The following MSH6 variants were observed in gnomAD, a reference collection of about 807,000 sequenced individuals.
The protein encoded by MSH6 is mutS homolog 6, also known as DNA mismatch repair protein Msh6.
A neutral mutation model predicts 119.1 loss-of-function variants in MSH6; 85 were observed. That is an observed-to-expected ratio of 0.71 (90% confidence interval 0.60 to 0.85). The LOEUF is 0.85. Among genes scored for constraint, MSH6 ranks in the 40% least tolerant of loss-of-function variants. The pLI is 0.00. For synonymous variants in MSH6, 830 were observed against 586.9 expected (o/e 1.41, Z -5.99); for missense variants, 2,163 against 1,655.3 (o/e 1.31, Z -5.32).
chr2:47,805,897 A>G (rs1485555925), intron 7 of MSH6, among the ~76,000 whole-genome samples, 190 bp downstream of exon 7: 1 of 152,198 alleles, frequency 6.6e-6, no homozygotes, highest in Non-Finnish European at 1.5e-5. Context: ...TTGATTACCC[A>G]TTAATTATTA....
downstream of MSH6, chr2:47,807,310 T>A (rs1339553346): frequency 4.6e-6 from 1 of 215,470 alleles, no homozygotes; most frequent in African/African-American, 2.3e-5. Context: ...TTTTTACCTT[T>A]CACAAAACTG....
chr2:47,787,113 AC>A (rs1668394452), intron 1 of MSH6, among the ~76,000 whole-genome samples: 1 of 152,130 alleles, frequency 6.6e-6, no homozygotes, highest in South Asian at 2.1e-4. Context: ...ACATGGCTAG[AC>A]CCTGTCTCTC....
At chr2:47,790,782 G>C (rs1262344727) in intron 1 of MSH6, 145 bp from the exon 2 acceptor site, 5 of 737,502 alleles carry the variant, frequency 6.8e-6, no homozygotes, top group Middle Eastern at 5.8e-4. Context: ...TAAATGACTT[G>C]AATATCTGAC....
intron 5 of MSH6, among the ~76,000 whole-genome samples, chr2:47,804,638 C>G (rs970265048): frequency 2.6e-5 from 4 of 151,820 alleles, no homozygotes; most frequent in African/African-American, 7.3e-5. Context: ...CTAGGTGATT[C>G]TATTCTGGCC....
At position 47,800,247 on chromosome 2, in the gene MSH6, A is replaced by C. The variant is rs1669441030; in HGVS notation, c.2264A>C (p.Glu755Ala). 6.2e-7 allele frequency: 1 copy of C among 1,614,178 alleles called. No homozygotes were observed. Among genetic ancestry groups the C allele is most frequent in the East Asian group, 2.2e-5 (1 of 44,882 alleles). ...CTGAATGGAACAAATGGTTCTACTG[A>C]AGGAACCCTACTAGAGAGGGTTGAT... Reference protein sequence around the residue: ...IFLNGTNGSTEGTLLERVDTC... With the variant: ...IFLNGTNGSTAGTLLERVDTC... The change falls in exon 4 of 10, where the codon GAA becomes GCA. Residue 755 changes from glutamate to alanine, a missense_variant. Transcript: ENST00000234420.
In MSH6 at chr2:47,798,620, A is replaced by C. The variant is rs876659071; in HGVS notation, c.637A>C (p.Thr213Pro). The change falls in exon 4 of 10, where the codon ACT becomes CCT. Residue 213 changes from threonine (T) to proline (P), a missense_variant. By Grantham distance (38) the Thr-to-Pro change is conservative (BLOSUM62 -1). Transcript: ENST00000234420. Reference sequence around the variant, plus strand: ...TTTCCTTGCCTGGCAGGTAGGCACAACTTACGTAACAGATAAGAGTGAAGA... The same window carrying C: ...TTTCCTTGCCTGGCAGGTAGGCACACCTTACGTAACAGATAAGAGTGAAGA... ...EEEEEMEVGT[T>P]YVTDKSEEDN... The C allele has an allele frequency of 1.9e-6, 3 of 1,610,338 alleles. No individual in the cohort carries two copies. In the African/African-American group the frequency reaches 4.0e-5, roughly 21 times the overall value.
In MSH6 at chr2:47,806,920, T is replaced by C; in HGVS notation, c.*60T>C. 1 of 1,216,068 alleles carries C rather than the reference T, an allele frequency of 8.2e-7. No homozygotes were observed. The highest frequency in any genetic ancestry group is 1.2e-6 in the Non-Finnish European group (1 of 826,298). 75.3% of individuals were successfully genotyped at this position (1,216,068 alleles called of 1,614,324 possible). A position where few individuals can be genotyped will look rare whatever the true frequency, so the allele number is the denominator to read the frequency against. Reference sequence around the variant, plus strand: ...ACAAAGGTGGTAAATTCAGACAACATTATGATCTAATAAACTTTATTTTTT... The same window carrying C: ...ACAAAGGTGGTAAATTCAGACAACACTATGATCTAATAAACTTTATTTTTT... On this transcript the variant is annotated 3_prime_UTR_variant, in exon 10 of 10. Coordinates refer to ENST00000234420, the MANE Select transcript of MSH6 (RefSeq NM_000179.3).
intron 1 of MSH6, 169 bp downstream of exon 1, chr2:47,783,662 G>C: frequency 1.6e-6 from 1 of 638,892 alleles, no homozygotes; most frequent in Non-Finnish European, 2.4e-6. Flanking sequence ...CGAGTCTGGA[G>C]CATTTGGGGG....
intron 1 of MSH6, chr2:47,783,724 C>T (rs1668159195): frequency 4.0e-6 from 2 of 496,290 alleles, no homozygotes; most frequent in South Asian, 5.9e-5. Flanking sequence ...AAGAGGGCTG[C>T]AGGGGAGACG....
Position 47,798,910 on chromosome 2 carries a change from T to C in MSH6, c.927T>C (p.Ser309=), listed in dbSNP as rs771288794. 6 of 1,614,160 alleles carry C rather than the reference T, an allele frequency of 3.7e-6. No homozygotes were observed. In the East Asian group the frequency reaches 8.9e-5, roughly 24 times the overall value. Residue 309 remains serine, a synonymous_variant, in exon 4 of 10, where the codon TCT becomes TCC. Transcript: ENST00000234420. ...AGAGAATGGTGACTGGAAATGGCTC[T>C]CTTAAAAGGAAAAGCTCTAGGAAGG... is the stretch of plus-strand genomic sequence containing the variant. ...KRKRMVTGNG[S]LKRKSSRKET...
rs587779317 is a variant in MSH6, at chr2:47,798,663, G to T, written c.680G>T (p.Ser227Ile). 1 of 1,613,580 alleles carries T rather than the reference G, an allele frequency of 6.2e-7. No individual in the cohort carries two copies. Among genetic ancestry groups the T allele is most frequent in the Non-Finnish European group, 8.5e-7 (1 of 1,180,018 alleles). Residue 227 changes from serine to isoleucine, a missense_variant, in exon 4 of 10, where the codon AGT becomes ATT. By Grantham distance (142) the Ser-to-Ile change is moderately radical. Transcript: ENST00000234420. ...DKSEEDNEIE[S>I]EEEVQPKTQG... ...AGTGAAGAAGATAATGAAATTGAGA[G>T]TGAAGAGGAAGTACAGCCTAAGACA...
At chr2:47,804,797 T>C (rs1010995294) in intron 5 of MSH6, 113 bp from the exon 6 acceptor site, 62 of 813,862 alleles carry the variant, frequency 7.6e-5, no homozygotes, top group Middle Eastern at 2.2e-4. Flanking sequence ...TACATGTGAT[T>C]GTGAAAGTTG....
rs1046304919 is a variant in MSH6 at position 47,791,098 on chromosome 2, C to T, written c.432C>T (p.Ser144=). The change falls in exon 2 of 10, where the codon AGC becomes AGT. Residue 144 remains serine, a synonymous_variant. Coordinates refer to ENST00000234420, the MANE Select transcript of MSH6 (RefSeq NM_000179.3). ...ACAGCCCAACAAGGGGCTGGGTTAG[C>T]AAAAGGCTTTTAAAGCCATATACAG... The part of the protein sequence containing the change: ...FDDSPTRGWV[S]KRLLKPYTGS... 9 of 1,613,960 alleles carry T rather than the reference C, an allele frequency of 5.6e-6. No homozygotes were observed. Among genetic ancestry groups the T allele is most frequent in the Non-Finnish European group, 6.8e-6 (8 of 1,180,010 alleles).
rs758631207 is a variant in MSH6, at chr2:47,799,921, G to A, written c.1938G>A (p.Lys646=). The A allele has an allele frequency of 4.3e-6, 7 of 1,614,202 alleles. No individual in the cohort carries two copies. The Admixed American group carries it at 8.3e-5, about 19-fold the overall frequency. The change falls in exon 4 of 10, where the codon AAG becomes AAA. Residue 646 remains lysine (K), a synonymous_variant. Coordinates refer to ENST00000234420, the MANE Select transcript of MSH6 (RefSeq NM_000179.3). ...TLLEEEYFRE[K]LSDGIGVMLP... is the part of the protein sequence containing the mutation. ...TTGAGGAAGAATATTTTAGGGAAAA[G>A]CTAAGTGATGGCATTGGGGTGATGT...
rs876660790 is a variant in MSH6, at chr2:47,799,792, G to A, written c.1809G>A (p.Lys603=). 1 of 1,614,030 alleles carries A rather than the reference G, an allele frequency of 6.2e-7. No individual in the cohort carries two copies. Among genetic ancestry groups the A allele is most frequent in the Non-Finnish European group, 8.5e-7 (1 of 1,180,014 alleles). ...TATTTGAAAAAGGAAATCTCTCAAA[G>A]GAAACTAAAACAATTCTAAAGAGTT... ...QVLFEKGNLS[K]ETKTILKSSL... is the part of the protein sequence containing the mutation. Residue 603 remains lysine (K), a synonymous_variant, in exon 4 of 10, where the codon AAG becomes AAA. Transcript: ENST00000234420.
chr2:47,786,123 G>A (rs1055933708), intron 1 of MSH6, among the ~76,000 whole-genome samples: 1 of 152,144 alleles, frequency 6.6e-6, no homozygotes, highest in African/African-American at 2.4e-5. Flanking sequence ...TCTGTAAACC[G>A]AAACCAGAAG....
rs201096652 is a variant in MSH6 at position 47,799,920 on chromosome 2, A to G, written c.1937A>G (p.Lys646Arg). The change falls in exon 4 of 10, where the codon AAG (lysine) becomes AGG (arginine). Residue 646 changes from lysine to arginine, a missense_variant. Coordinates refer to ENST00000234420, the MANE Select transcript of MSH6 (RefSeq NM_000179.3). ...CTTGAGGAAGAATATTTTAGGGAAA[A>G]GCTAAGTGATGGCATTGGGGTGATG... is the stretch of plus-strand genomic sequence containing the variant. ...TLLEEEYFRE[K>R]LSDGIGVMLP... 23 of 1,614,170 alleles carry G rather than the reference A, an allele frequency of 1.4e-5. No individual in the cohort carries two copies. In the East Asian group the frequency reaches 4.5e-4, roughly 31 times the overall value.
At chr2:47,809,248 T>C (rs1424688819), downstream of MSH6, 2 of 1,587,646 alleles carry the variant, frequency 1.3e-6, no homozygotes, top group South Asian at 2.3e-5. Flanking sequence ...GGCATCTTGA[T>C]TGTTCATTAT....
chr2:47,801,598 G>C (rs908667410), intron 4 of MSH6, among the ~76,000 whole-genome samples: 1 of 151,812 alleles, frequency 6.6e-6, no homozygotes, highest in Non-Finnish European at 1.5e-5. Flanking sequence ...TGAACTCCTG[G>C]GCTCAAGTGA....
Sources: gnomAD v4.1 joint callset for allele counts (sites outside exome capture counted in the v4.1 genomes callset) on GRCh38, gnomAD v4.1.1 for gene constraint, MANE v1.5 for transcripts, NCBI Gene and HGNC (gene_info 2026-07-23, HGNC 2026-07-21) for gene names.